FANCM: variants seen among roughly 807,000 people sequenced by gnomAD.
FANCM encodes the protein Fanconi anemia group M protein.
In FANCM, 140 loss-of-function variants were observed where a neutral mutation model predicts 199.5. The observed-to-expected ratio is 0.70, with a 90% CI of 0.61 to 0.81. The LOEUF (loss-of-function observed/expected upper bound fraction) is 0.81, where lower values mean the gene tolerates loss of function less well. FANCM is among the 30% of genes least tolerant of loss of function. The pLI is 0.00. For synonymous variants in FANCM, 840 were observed against 836.8 expected (o/e 1.00, Z -0.07); for missense variants, 2,410 against 2,421.4 (o/e 1.00, Z 0.10).
intron 4 of FANCM, 23 bp downstream of exon 4, chr14:45,149,018 A>T: frequency 6.3e-7 from 1 of 1,576,950 alleles, no homozygotes; most frequent in Non-Finnish European, 8.7e-7. Context: ...TATGACATTT[A>T]GGGATTTCAT....
In FANCM at chr14:45,151,533, G is replaced by A. The variant is rs1886819435; in HGVS notation, c.1050+5G>A. The stretch of plus-strand genomic sequence containing the variant: ...AACCCATCTCCGAATATTGTGGTAG[G>A]TATTTTTAAATAAATTTTGATGACA... On this transcript the variant is annotated splice_donor_5th_base_variant and intron_variant, in intron 5 of 22. Coordinates refer to ENST00000267430, the MANE Select transcript of FANCM (RefSeq NM_020937.4). 1 of 1,609,310 alleles carries A rather than the reference G, an allele frequency of 6.2e-7. No individual in the cohort carries two copies. The highest frequency in any genetic ancestry group is 1.3e-5 in the African/African-American group (1 of 74,792).
chr14:45,198,738 C>T lies in FANCM; in HGVS notation c.5811C>T (p.Cys1937=), dbSNP rs2139328462. Residue 1937 remains cysteine, a synonymous_variant, in exon 22 of 23, where the codon TGC becomes TGT. Coordinates refer to ENST00000267430, the MANE Select transcript of FANCM (RefSeq NM_020937.4). ...GAGIRILFSS[C]QEETADLLKE... The stretch of plus-strand genomic sequence containing the variant: ...GAATCCGAATTCTTTTCAGTTCCTG[C>T]CAAGAAGAAACCGCAGATTTGCTAA... 1.2e-6 allele frequency: 2 copies of T among 1,613,796 alleles called. No individual in the cohort carries two copies. Among genetic ancestry groups the T allele is most frequent in the Non-Finnish European group, 8.5e-7 (1 of 1,179,842 alleles).
chr14:45,147,685 G>A (rs755168568), intron 3 of FANCM, among the ~76,000 whole-genome samples: 37 of 150,282 alleles, frequency 2.5e-4, no homozygotes, highest in Non-Finnish European at 3.8e-4. Context: ...CAGAAGTCAG[G>A]AGTTAGAGAC....
intron 21 of FANCM, among the ~76,000 whole-genome samples, chr14:45,197,156 G>T (rs747481726): frequency 3.9e-5 from 6 of 152,036 alleles, no homozygotes; most frequent in African/African-American, 1.4e-4. Flanking sequence ...ACAGTAAAAA[G>T]ATCATGAGAT....
At position 45,155,392 on chromosome 14, in the gene FANCM, T is replaced by G; in HGVS notation, c.1329T>G (p.Phe443Leu). 1.4e-6 allele frequency: 2 copies of G among 1,418,114 alleles called. No homozygotes were observed. Among genetic ancestry groups the G allele is most frequent in the African/African-American group, 2.8e-5 (2 of 71,140 alleles). The allele number at this position is 1,418,114 out of a possible 1,614,324, so 87.8% of individuals were successfully genotyped here. ...AIQQGDKNKK[F>L]VYSHPKLKKL... Reference sequence around the variant, plus strand: ...TTCCAGGAGATAAAAATAAAAAATTTGTTTATAGTCATCCAAAGTTAAAGA... The same window carrying G: ...TTCCAGGAGATAAAAATAAAAAATTGGTTTATAGTCATCCAAAGTTAAAGA... Residue 443 changes from phenylalanine (F) to leucine (L), a missense_variant, in exon 8 of 23, where the codon TTT becomes TTG. By Grantham distance (22) the Phe-to-Leu change is conservative. Coordinates refer to ENST00000267430, the MANE Select transcript of FANCM (RefSeq NM_020937.4).
chr14:45,177,344 G>C (rs1888776487), intron 14 of FANCM, among the ~76,000 whole-genome samples: 1 of 152,152 alleles, frequency 6.6e-6, no homozygotes, highest in South Asian at 2.1e-4. Context: ...TGTTTAGGAG[G>C]TTCAGAGGAT....
chr14:45,175,372 GTAT>G lies in FANCM; in HGVS notation c.2622_2624del (p.Ile875del). On this transcript the variant is annotated inframe_deletion, in exon 14 of 23. Coordinates refer to ENST00000267430, the MANE Select transcript of FANCM (RefSeq NM_020937.4). The stretch of plus-strand genomic sequence containing the variant: ...CAGCTTAAAAAAGAAAATAATCACG[GTAT>G]TATAGATTCTGTAGATAATGACAGA... 1 of 1,561,810 alleles carries G rather than the reference GTAT, an allele frequency of 6.4e-7. No individual in the cohort carries two copies.
At position 45,198,734 on chromosome 14, in the gene FANCM, C is replaced by T. The variant is rs2139328408; in HGVS notation, c.5807C>T (p.Ser1936Phe). ...GCTGGAATCCGAATTCTTTTCAGTT[C>T]CTGCCAAGAAGAAACCGCAGATTTG... ...IGAGIRILFS[S>F]CQEETADLLK... Residue 1936 changes from serine (S) to phenylalanine (F), a missense_variant, in exon 22 of 23, where the codon TCC becomes TTC. Transcript: ENST00000267430. The T allele has an allele frequency of 1.9e-6, 3 of 1,613,784 alleles. No homozygotes were observed. Among genetic ancestry groups the T allele is most frequent in the Non-Finnish European group, 2.5e-6 (3 of 1,179,796 alleles).
chr14:45,189,360 A>AAC lies in FANCM; in HGVS notation c.5339_5340insCA (p.Lys1780AsnfsTer24). ...CTGTAGAAAATTTCCAGTTCCACAG[A>AAC]AGGTATGGATCAAAGAAAGGAAAAA... is the stretch of plus-strand genomic sequence containing the variant. On this transcript the variant is annotated frameshift_variant and splice_region_variant, in exon 20 of 23. Coordinates refer to ENST00000267430, the MANE Select transcript of FANCM (RefSeq NM_020937.4). LOFTEE classifies it high-confidence loss of function. The AAC allele has an allele frequency of 6.2e-7, 1 of 1,604,882 alleles. No homozygotes were observed. The highest frequency in any genetic ancestry group is 8.5e-7 in the Non-Finnish European group (1 of 1,171,614).
intron 8 of FANCM, among the ~76,000 whole-genome samples, chr14:45,158,590 G>A (rs983368727): frequency 6.6e-6 from 1 of 152,114 alleles, no homozygotes; most frequent in African/African-American, 2.4e-5. Flanking sequence ...AGAAAGGAAA[G>A]GGAAGACTTA....
chr14:45,154,506 A>G (rs1887045696), intron 6 of FANCM, among the ~76,000 whole-genome samples, 191 bp from the exon 7 acceptor site: 2 of 152,142 alleles, frequency 1.3e-5, no homozygotes, highest in Admixed American at 6.5e-5. Context: ...TTTGTTTTTA[A>G]TAAATTCCTG....
chr14:45,173,118 C>T lies in FANCM; in HGVS notation c.2224C>T (p.His742Tyr). 6.2e-7 allele frequency: 1 copy of T among 1,610,600 alleles called. No homozygotes were observed. Residue 742 changes from histidine (H) to tyrosine (Y), a missense_variant, in exon 13 of 23, where the codon CAT becomes TAT. His to Tyr is a moderately conservative substitution (Grantham distance 83). Transcript: ENST00000267430. Reference protein sequence around the residue: ...SLSEWRLWQDHPLPTHQVDHS... With the variant: ...SLSEWRLWQDYPLPTHQVDHS... The stretch of plus-strand genomic sequence containing the variant: ...CTCTGAATGGAGACTGTGGCAAGAT[C>T]ATCCTTTGCCTACACATCAAGTTGA...
intron 5 of FANCM, among the ~76,000 whole-genome samples, chr14:45,153,221 G>A (rs1217015114): frequency 6.6e-6 from 1 of 152,228 alleles, no homozygotes; most frequent in Non-Finnish European, 1.5e-5. Context: ...GTGGTTGAAA[G>A]CACAAGGCCT....
At chr14:45,195,733 G>T (rs535000832) in intron 20 of FANCM, 57 of 324,864 alleles carry the variant, frequency 1.8e-4, no homozygotes, top group African/African-American at 1.1e-3. Context: ...AACAGGTTTA[G>T]TTGTTTTCAA....
intron 6 of FANCM, 25 bp downstream of exon 6, chr14:45,154,077 G>C (rs373869932): frequency 9.5e-6 from 14 of 1,477,280 alleles, no homozygotes; most frequent in Middle Eastern, 3.5e-4. Flanking sequence ...ATTATTTAAA[G>C]AAATAATGAC....
intron 11 of FANCM, among the ~76,000 whole-genome samples, chr14:45,169,367 T>TTTTA (rs1888191364): frequency 6.6e-6 from 1 of 151,000 alleles, no homozygotes; most frequent in Non-Finnish European, 1.5e-5. Context: ...CAGAGAAGCC[T>TTTTA]TTTATTTATT....
chr14:45,173,191 A>G lies in FANCM; in HGVS notation c.2297A>G (p.Glu766Gly), dbSNP rs139946652. 9.9e-5 allele frequency: 159 copies of G among 1,613,882 alleles called. 1 individual carries two copies. The African/African-American group carries it at 1.8e-3, about 18-fold the overall frequency. ...TTTATAGGCCTTATGCAAATGATAGAGGGAATGAGACACGAAGAGGTGGGG... is the reference window on the plus strand; with the variant it reads ...TTTATAGGCCTTATGCAAATGATAGGGGGAATGAGACACGAAGAGGTGGGG... ...RHFIGLMQMI[E>G]GMRHEEGECS... The change falls in exon 13 of 23, where the codon GAG (glutamate) becomes GGG (glycine). Residue 766 changes from glutamate to glycine, a missense_variant. Glu to Gly is a moderately conservative substitution (Grantham distance 98). Coordinates refer to ENST00000267430, the MANE Select transcript of FANCM (RefSeq NM_020937.4).
chr14:45,165,692 G>T (rs1426893689), intron 10 of FANCM, among the ~76,000 whole-genome samples: 1 of 152,098 alleles, frequency 6.6e-6, no homozygotes, highest in Admixed American at 6.5e-5. Flanking sequence ...TGATCCTAAT[G>T]AAATGTTTGG....
At chr14:45,168,824 T>C (rs1425517132) in intron 11 of FANCM, among the ~76,000 whole-genome samples, 3 of 148,256 alleles carry the variant, frequency 2.0e-5, no homozygotes, top group Non-Finnish European at 4.5e-5. Flanking sequence ...ATATACTATA[T>C]ATAGTATATG....
Sources: gnomAD v4.1 joint callset for allele counts (sites outside exome capture counted in the v4.1 genomes callset) on GRCh38, gnomAD v4.1.1 for gene constraint, MANE v1.5 for transcripts, NCBI Gene and HGNC (gene_info 2026-07-23, HGNC 2026-07-21) for gene names.